The following GJA3 variants were observed in gnomAD, a reference collection of about 807,000 sequenced individuals.
GJA3 encodes gap junction protein alpha 3, also known as gap junction alpha-3 protein.
For missense variants in GJA3, 571 were observed against 620.3 expected (o/e 0.92, Z 0.84); for synonymous variants, 297 against 292.6 (o/e 1.02, Z -0.15).
rs1958807085 is a variant in GJA3, at chr13:20,141,558, C to T, written c.*423G>A. The T allele has an allele frequency of 6.1e-6, 1 of 164,296 alleles. No individual in the cohort carries two copies. Among genetic ancestry groups the T allele is most frequent in the East Asian group, 1.6e-4 (1 of 6,108 alleles). The allele number at this position is 164,296 out of a possible 1,614,324, so 10.2% of individuals were successfully genotyped here. On this transcript the variant is annotated 3_prime_UTR_variant, in exon 2 of 2. Transcript: ENST00000241125. ...TAGAGCTAAGTGCTCTGGCCCAGAG[C>T]TAAGACCCTCTGGGCCGCCCAGAGG... is the stretch of plus-strand genomic sequence containing the variant.
At chr13:20,161,527 C>T (rs1958938366), upstream of GJA3, among the ~76,000 whole-genome samples, 2 of 152,094 alleles carry the variant, frequency 1.3e-5, no homozygotes, top group African/African-American at 2.4e-5. Flanking sequence ...TAGGTCTCGC[C>T]CGCCTGCAGC....
In GJA3 at chr13:20,142,010, G is replaced by A. The variant is rs922529783; in HGVS notation, c.1279C>T (p.Arg427Trp). The change falls in exon 2 of 2, where the codon CGG (arginine) becomes TGG (tryptophan). Residue 427 changes from arginine to tryptophan, a missense_variant. Physicochemically the swap from Arg to Trp is moderately radical, Grantham distance 101. Coordinates refer to ENST00000241125, the MANE Select transcript of GJA3 (RefSeq NM_021954.4). The stretch of plus-strand genomic sequence containing the variant: ...ATGGCCAAGTCCTCCGGTCTGGCCC[G>A]CCCGCTGCTGGCCCTGCTGGCCTTG... ...ASKASRASSG[R>W]ARPEDLAI 4 of 1,550,176 alleles carry A rather than the reference G, an allele frequency of 2.6e-6. No individual in the cohort carries two copies. The highest frequency in any genetic ancestry group is 3.5e-6 in the Non-Finnish European group (4 of 1,146,780).
intron 1 of GJA3, among the ~76,000 whole-genome samples, chr13:20,152,782 G>T (rs9579787): frequency 0.27 from 41,285 of 152,056 alleles, 7,045 homozygotes; most frequent in Non-Finnish European, 0.38. Flanking sequence ...GTTTGTGATT[G>T]CCTGGAACAC....
rs895781393 is a variant in GJA3, at chr13:20,145,317, G to A, written c.-17-2012C>T. 2.6e-5 allele frequency among the ~76,000 whole-genome samples: 4 copies of A among 152,262 alleles called. No individual in the cohort carries two copies. The South Asian group carries it at 6.2e-4, about 24-fold the overall frequency. On this transcript the variant is annotated intron_variant, in intron 1 of 1. Coordinates refer to ENST00000241125, the MANE Select transcript of GJA3 (RefSeq NM_021954.4). ...CCTTAGAACAAACTCCCAACATTCT[G>A]CTTGGACCCCTGGAGCTCTTAGAGA...
intron 1 of GJA3, among the ~76,000 whole-genome samples, chr13:20,153,137 G>A (rs570389966): frequency 3.3e-5 from 5 of 152,130 alleles, no homozygotes; most frequent in African/African-American, 9.6e-5. Flanking sequence ...TTGGTACATC[G>A]TCCCACCCTT....
chr13:20,140,661 C>G lies in GJA3; in HGVS notation c.*1320G>C, dbSNP rs776729755. ...CAGCCATGCCCACACACATAAATAG[C>G]CTTCCCTGTCAGGACAGCTCTGGTG... On this transcript the variant is annotated 3_prime_UTR_variant, in exon 2 of 2. Transcript: ENST00000241125. 6.6e-6 allele frequency: 1 copy of G among 152,160 alleles called. No homozygotes were observed. The highest frequency in any genetic ancestry group is 1.5e-5 in the Non-Finnish European group (1 of 68,040). 9.4% of individuals were successfully genotyped at this position (152,160 alleles called of 1,614,324 possible).
At position 20,145,368 on chromosome 13, in the gene GJA3, A is replaced by T. The variant is rs147305502; in HGVS notation, c.-17-2063T>A. 1.9e-3 allele frequency among the ~76,000 whole-genome samples: 292 copies of T among 152,304 alleles called. 3 individuals are homozygous for T. Among genetic ancestry groups the T allele is most frequent in the African/African-American group, 6.7e-3 (277 of 41,576 alleles). Reference sequence around the variant, plus strand: ...AAGCGGACTACTCACGCATCCTCCCAGCCTCTCATCTCCTATTGTGGCTGG... The same window carrying T: ...AAGCGGACTACTCACGCATCCTCCCTGCCTCTCATCTCCTATTGTGGCTGG... On this transcript the variant is annotated intron_variant, in intron 1 of 1. Coordinates refer to ENST00000241125, the MANE Select transcript of GJA3 (RefSeq NM_021954.4).
At position 20,142,101 on chromosome 13, in the gene GJA3, C is replaced by G; in HGVS notation, c.1188G>C (p.Gln396His). 1.9e-6 allele frequency: 3 copies of G among 1,548,246 alleles called. No individual in the cohort carries two copies. The highest frequency in any genetic ancestry group is 2.6e-6 in the Non-Finnish European group (3 of 1,146,148). Residue 396 changes from glutamine to histidine, a missense_variant, in exon 2 of 2, where the codon CAG becomes CAC. Gln to His is a conservative substitution (Grantham distance 24, BLOSUM62 0). Coordinates refer to ENST00000241125, the MANE Select transcript of GJA3 (RefSeq NM_021954.4). Reference protein sequence around the residue: ...ALAGTPEEEEQAVTTAAQMHQ... With the variant: ...ALAGTPEEEEHAVTTAAQMHQ... ...GCATCTGGGCCGCGGTGGTCACGGC[C>G]TGCTCCTCCTCCTCGGGGGTCCCTG... is the stretch of plus-strand genomic sequence containing the variant.
chr13:20,138,756 T>A lies in GJA3; in HGVS notation c.*3225A>T, dbSNP rs1176342764. 6.6e-6 allele frequency: 1 copy of A among 152,178 alleles called. No homozygotes were observed. The highest frequency in any genetic ancestry group is 1.9e-4 in the East Asian group (1 of 5,206). The allele number at this position is 152,178 out of a possible 1,614,324, so 9.4% of individuals were successfully genotyped here. A position where few individuals can be genotyped will look rare whatever the true frequency, so the allele number is the denominator to read the frequency against. ...TACTCTCTATAAGTATTTATTTTGG[T>A]GGAGATTCATGAATTAGTGTTACAA... is the stretch of plus-strand genomic sequence containing the variant. On this transcript the variant is annotated 3_prime_UTR_variant, in exon 2 of 2. Transcript: ENST00000241125.
intron 1 of GJA3, among the ~76,000 whole-genome samples, chr13:20,157,778 A>G (rs1958914527): frequency 6.6e-6 from 1 of 152,090 alleles, no homozygotes; most frequent in Admixed American, 6.5e-5. Context: ...TCCAGTCCAG[A>G]CTGTCTCAAG....
chr13:20,144,013 A>G (rs1469707304), intron 1 of GJA3, among the ~76,000 whole-genome samples: 1 of 152,240 alleles, frequency 6.6e-6, no homozygotes, highest in Non-Finnish European at 1.5e-5. Flanking sequence ...TTGCTTGCCA[A>G]AAGCTCTGGA....
chr13:20,142,941 C>T lies in GJA3; in HGVS notation c.348G>A (p.Lys116=). Residue 116 remains lysine (K), a synonymous_variant, in exon 2 of 2, where the codon AAG becomes AAA. Transcript: ENST00000241125. ...KKEREEEEQL[K]RESPSPKEPP... is the part of the protein sequence containing the mutation. The stretch of plus-strand genomic sequence containing the variant: ...GCTCCTTGGGGCTGGGGCTCTCTCT[C>T]TTCAGCTGCTCCTCCTCCTCCCTCT... 2 of 1,576,462 alleles carry T rather than the reference C, an allele frequency of 1.3e-6. No homozygotes were observed. Among genetic ancestry groups the T allele is most frequent in the Non-Finnish European group, 1.7e-6 (2 of 1,160,990 alleles).
chr13:20,143,189 T>TG lies in GJA3; in HGVS notation c.99dup (p.Ile34HisfsTer15), dbSNP rs746465177. The TG allele has an allele frequency of 6.3e-7, 1 of 1,596,296 alleles. No individual in the cohort carries two copies. The highest frequency in any genetic ancestry group is 1.7e-5 in the Admixed American group (1 of 59,396). On this transcript the variant is annotated frameshift_variant, in exon 2 of 2. Coordinates refer to ENST00000241125, the MANE Select transcript of GJA3 (RefSeq NM_021954.4). LOFTEE classifies it low-confidence loss of function (END_TRUNC). ...TCCGCCGCGGCCCCCAGCACCAAGA[T>TG]GCGGAAGATGAACAGCACGGTCAGC...
Position 20,142,475 on chromosome 13 carries a change from A to C in GJA3, c.814T>G (p.Tyr272Asp). 6.5e-7 allele frequency: 1 copy of C among 1,546,078 alleles called. No homozygotes were observed. Residue 272 changes from tyrosine (Y) to aspartate (D), a missense_variant, in exon 2 of 2, where the codon TAT becomes GAT. By Grantham distance (160) the Tyr-to-Asp change is radical. Coordinates refer to ENST00000241125, the MANE Select transcript of GJA3 (RefSeq NM_021954.4). ...CCCAGGGGCGCAGCGGTGTGCGCAT[A>C]GTAGGGTGGGAACCCGATGGCAACG... The part of the protein sequence containing the change: ...PAVAIGFPPY[Y>D]AHTAAPLGQA...
chr13:20,159,345 A>G (rs1400538151), intron 1 of GJA3, among the ~76,000 whole-genome samples: 1 of 149,150 alleles, frequency 6.7e-6, no homozygotes, highest in Non-Finnish European at 1.5e-5. Context: ...CAGCGGAGGG[A>G]GGAAGAAGGC....
Position 20,142,949 on chromosome 13 carries a change from G to C in GJA3, c.340C>G (p.Gln114Glu), listed in dbSNP as rs758961387. ...EKKKEREEEEQLKRESPSPKE... is the reference protein window; with the variant it reads ...EKKKEREEEEELKRESPSPKE... ...GGGCTGGGGCTCTCTCTCTTCAGCT[G>C]CTCCTCCTCCTCCCTCTCTTTCTTC... is the stretch of plus-strand genomic sequence containing the variant. Residue 114 changes from glutamine (Q) to glutamate (E), a missense_variant, in exon 2 of 2, where the codon CAG becomes GAG. Coordinates refer to ENST00000241125, the MANE Select transcript of GJA3 (RefSeq NM_021954.4). The C allele has an allele frequency of 2.3e-5, 36 of 1,577,290 alleles. No homozygotes were observed. The highest frequency in any genetic ancestry group is 8.0e-5 in the South Asian group (7 of 87,166).
chr13:20,147,242 T>C (rs1958848343), intron 1 of GJA3, among the ~76,000 whole-genome samples: 1 of 152,230 alleles, frequency 6.6e-6, no homozygotes, highest in Admixed American at 6.5e-5. Flanking sequence ...TGCTGTGAAC[T>C]GTGGAAATGC....
Position 20,141,924 on chromosome 13 carries a change from T to C in GJA3, c.*57A>G, listed in dbSNP as rs1566514054. 2 of 1,538,098 alleles carry C rather than the reference T, an allele frequency of 1.3e-6. No individual in the cohort carries two copies. Among genetic ancestry groups the C allele is most frequent in the Non-Finnish European group, 8.8e-7 (1 of 1,137,658 alleles). ...TCTGCTGGTGGGAAGTGCACTTTGG[T>C]TTTGGTTTCTAAGAAAAAGATCACT... On this transcript the variant is annotated 3_prime_UTR_variant, in exon 2 of 2. Coordinates refer to ENST00000241125, the MANE Select transcript of GJA3 (RefSeq NM_021954.4).
At chr13:20,143,381 C>T (rs1435613494) in intron 1 of GJA3, 76 bp from the exon 2 acceptor site, 21 of 1,033,992 alleles carry the variant, frequency 2.0e-5, no homozygotes, top group East Asian at 2.6e-5. Flanking sequence ...GCGGCGGCAG[C>T]GGCCTGGATG....
Sources: allele counts gnomAD v4.1 joint callset (sites outside exome capture counted in the v4.1 genomes callset), GRCh38; gene constraint gnomAD v4.1.1; transcripts MANE v1.5; gene names NCBI Gene and HGNC (gene_info 2026-07-23, HGNC 2026-07-21).